The following PDHX variants were observed in gnomAD, a reference collection of about 807,000 sequenced individuals.
PDHX encodes the protein pyruvate dehydrogenase protein X component, mitochondrial.
A neutral mutation model predicts 55.3 loss-of-function variants in PDHX; 33 were observed. That is an observed-to-expected ratio of 0.60 (90% CI 0.45 to 0.80). PDHX has a LOEUF of 0.80. Ranked by LOEUF, PDHX falls within the 30% of genes least tolerant of loss-of-function variation. PDHX has a pLI of 0.00. For missense variants in PDHX, 622 were observed against 619.9 expected, an observed-to-expected ratio of 1.00 and a Z score of -0.04; for synonymous variants, 226 against 219.4, an observed-to-expected ratio of 1.03 and a Z score of -0.27.
intron 4 of PDHX, among the ~76,000 whole-genome samples, chr11:34,958,380 A>C (rs1854950761): frequency 6.6e-6 from 1 of 151,952 alleles, no homozygotes; most frequent in Non-Finnish European, 1.5e-5. Flanking sequence ...AGCTTACCGC[A>C]ACCTCGGTCT....
At chr11:34,935,351 A>G (rs887981657) in intron 2 of PDHX, among the ~76,000 whole-genome samples, 5 of 152,192 alleles carry the variant, frequency 3.3e-5, no homozygotes, top group African/African-American at 1.2e-4. Flanking sequence ...GCCAGATTTT[A>G]AGTACCTAAT....
chr11:34,921,775 A>T (rs1420460786), intron 1 of PDHX, among the ~76,000 whole-genome samples: 1 of 152,216 alleles, frequency 6.6e-6, no homozygotes, highest in Non-Finnish European at 1.5e-5. Flanking sequence ...GGGACTAAGA[A>T]GATTTAGATG....
At chr11:34,984,829 TTG>T (rs1855606716) in intron 9 of PDHX, 101 bp downstream of exon 9, 1 of 1,155,412 alleles carries the variant, frequency 8.7e-7, no homozygotes, top group African/African-American at 1.5e-5. Flanking sequence ...ACTGTGATTT[TTG>T]TGTGTGTGAA....
At position 34,977,150 on chromosome 11, in the gene PDHX, G is replaced by T. The variant is rs188900485; in HGVS notation, c.965-974G>T. 2.1e-3 allele frequency among the ~76,000 whole-genome samples: 320 copies of T among 152,184 alleles called. 2 individuals carry two copies. Among genetic ancestry groups the T allele is most frequent in the Admixed American group, 4.5e-3 (69 of 15,278 alleles). On this transcript the variant is annotated intron_variant, in intron 7 of 10. Coordinates refer to ENST00000227868, the MANE Select transcript of PDHX (RefSeq NM_003477.3). ...ATGGTAATTCATCTAATCCCTTTCT[G>T]TAGTCTCCAGGATGCCTTTGGAATG...
chr11:34,933,403 C>T (rs930951904), intron 2 of PDHX, among the ~76,000 whole-genome samples: 3 of 152,054 alleles, frequency 2.0e-5, no homozygotes, highest in Non-Finnish European at 4.4e-5. Flanking sequence ...TTAGAGTAAT[C>T]GTATTATGCT....
intron 8 of PDHX, among the ~76,000 whole-genome samples, chr11:34,980,231 T>C (rs1855478392): frequency 6.6e-6 from 1 of 151,626 alleles, no homozygotes; most frequent in South Asian, 2.1e-4. Flanking sequence ...TGCATATTTA[T>C]ATATTCTTAG....
chr11:34,944,070 A>C (rs975384680), intron 2 of PDHX, among the ~76,000 whole-genome samples: 5 of 114,414 alleles, frequency 4.4e-5, no homozygotes, highest in Non-Finnish European at 9.8e-5. Context: ...ATAAATATAT[A>C]ATACAAATAT....
chr11:34,983,586 C>T (rs1445210064), intron 8 of PDHX, among the ~76,000 whole-genome samples: 1 of 151,174 alleles, frequency 6.6e-6, no homozygotes, highest in Non-Finnish European at 1.5e-5. Flanking sequence ...TCTCAGAATA[C>T]ACAATCAATG....
intron 4 of PDHX, among the ~76,000 whole-genome samples, chr11:34,958,104 C>G (rs1854944673): frequency 6.6e-6 from 1 of 152,186 alleles, no homozygotes; most frequent in Non-Finnish European, 1.5e-5. Flanking sequence ...CATCATTTCA[C>G]TTTAGTTTTA....
At chr11:34,984,065 AC>A (rs1855586693) in intron 8 of PDHX, among the ~76,000 whole-genome samples, 1 of 152,234 alleles carries the variant, frequency 6.6e-6, no homozygotes, top group Non-Finnish European at 1.5e-5. Flanking sequence ...TGGTACTGGT[AC>A]CAAAACAGAG....
chr11:34,980,250 G>C (rs998970499), intron 8 of PDHX, among the ~76,000 whole-genome samples: 1 of 140,524 alleles, frequency 7.1e-6, no homozygotes, highest in African/African-American at 2.6e-5. Context: ...AGCTTGTATT[G>C]TTTTGTTATG....
intron 8 of PDHX, among the ~76,000 whole-genome samples, chr11:34,979,909 C>T (rs1471523755): frequency 1.3e-5 from 2 of 151,622 alleles, no homozygotes; most frequent in Non-Finnish European, 2.9e-5. Context: ...CCTCTGTACA[C>T]ATTTCAATAT....
chr11:34,989,665 A>T (rs1477180688), intron 9 of PDHX, among the ~76,000 whole-genome samples: 3 of 152,006 alleles, frequency 2.0e-5, no homozygotes, highest in African/African-American at 7.3e-5. Flanking sequence ...TTTTTTCATC[A>T]TTGGTTTCTC....
intron 7 of PDHX, among the ~76,000 whole-genome samples, chr11:34,974,917 A>G (rs1414460555): frequency 1.3e-5 from 2 of 152,114 alleles, no homozygotes; most frequent in Admixed American, 6.5e-5. Context: ...CAAAAACAAA[A>G]ATGAAGTGCA....
At chr11:34,917,508 G>T (rs1853759655) in intron 1 of PDHX, among the ~76,000 whole-genome samples, 1 of 152,164 alleles carries the variant, frequency 6.6e-6, no homozygotes, top group Admixed American at 6.5e-5. Flanking sequence ...GGCAGGCCGG[G>T]TATTATTTTT....
intron 8 of PDHX, among the ~76,000 whole-genome samples, chr11:34,984,300 T>A (rs1855592651): frequency 6.6e-6 from 1 of 152,162 alleles, no homozygotes. Flanking sequence ...AGAAAGCCCT[T>A]TTTCCCCACC....
At chr11:34,986,681 A>C (rs1030492853) in intron 9 of PDHX, among the ~76,000 whole-genome samples, 5 of 152,172 alleles carry the variant, frequency 3.3e-5, no homozygotes, top group African/African-American at 9.6e-5. Flanking sequence ...TATTCCTTGC[A>C]TCCTGAAGAC....
intron 3 of PDHX, among the ~76,000 whole-genome samples, chr11:34,948,797 CTAATT>C (rs1306657543): frequency 1.3e-5 from 2 of 152,130 alleles, no homozygotes; most frequent in Non-Finnish European, 2.9e-5. Context: ...GTTTTCTTGA[CTAATT>C]TATGCAGCAT....
chr11:34,916,901 T>C, intron 1 of PDHX, 86 bp downstream of exon 1: 2 of 1,329,626 alleles, frequency 1.5e-6, no homozygotes, highest in Non-Finnish European at 2.1e-6. Context: ...GGCCTGCTTT[T>C]GGGTGTGAAG....
Sources: gnomAD v4.1 joint callset for allele counts (sites outside exome capture counted in the v4.1 genomes callset) on GRCh38, gnomAD v4.1.1 for gene constraint, MANE v1.5 for transcripts, NCBI Gene and HGNC (gene_info 2026-07-23, HGNC 2026-07-21) for gene names.